The following MARS1 variants were observed in gnomAD, a reference collection of about 807,000 sequenced individuals.
MARS1 encodes methionine--tRNA ligase, cytoplasmic.
A neutral mutation model predicts 119.5 loss-of-function variants in MARS1; 80 were observed. That is an observed-to-expected ratio of 0.67 (90% confidence interval 0.56 to 0.81). The LOEUF (loss-of-function observed/expected upper bound fraction) is 0.81, where lower values mean the gene tolerates loss of function less well. Among genes scored for constraint, MARS1 ranks in the 30% least tolerant of loss-of-function variants. The pLI is 0.00. For missense variants in MARS1, 945 were observed against 1,116.5 expected, an observed-to-expected ratio of 0.85 and a Z score of 2.19; for synonymous variants, 418 against 433.4, an observed-to-expected ratio of 0.96 and a Z score of 0.44.
chr12:57,511,126 C>G (rs891890080), intron 11 of MARS1, among the ~76,000 whole-genome samples: 1 of 132,904 alleles, frequency 7.5e-6, no homozygotes, highest in Non-Finnish European at 1.6e-5. Flanking sequence ...GTGAAGTGTT[C>G]CATATTTTTA....
chr12:57,503,022 T>C (rs1458423260), intron 10 of MARS1, among the ~76,000 whole-genome samples: 1 of 151,936 alleles, frequency 6.6e-6, no homozygotes. Flanking sequence ...TGAGACTTCG[T>C]CTCAAAAACA....
chr12:57,497,230 C>G (rs1464862121), intron 7 of MARS1, among the ~76,000 whole-genome samples: 3 of 152,084 alleles, frequency 2.0e-5, no homozygotes, highest in Admixed American at 2.0e-4. Context: ...TTACGATATT[C>G]AGTTATGGAG....
At chr12:57,498,707 C>T (rs925089697) in intron 9 of MARS1, 84 bp downstream of exon 9, 31 of 1,344,480 alleles carry the variant, frequency 2.3e-5, no homozygotes, top group African/African-American at 1.2e-4. Flanking sequence ...AGAAGGAACC[C>T]GGGTGGCTGT....
chr12:57,489,923 T>C lies in MARS1; in HGVS notation c.442T>C (p.Leu148=), dbSNP rs773891954. ...GETESLADIV[L]WGALYPLLQD... is the part of the protein sequence containing the mutation. ...GACAGAATCTCTAGCCGACATTGTT[T>C]TGTGGGGAGCCCTATACCCATTACT... Residue 148 remains leucine, a synonymous_variant, in exon 5 of 21, where the codon TTG becomes CTG. Transcript: ENST00000262027. 2 of 1,614,166 alleles carry C rather than the reference T, an allele frequency of 1.2e-6. No individual in the cohort carries two copies. The highest frequency in any genetic ancestry group is 2.2e-5 in the East Asian group (1 of 44,886).
At position 57,512,854 on chromosome 12, in the gene MARS1, C is replaced by T; in HGVS notation, c.1857C>T (p.Phe619=). 1.2e-6 allele frequency: 2 copies of T among 1,614,252 alleles called. No individual in the cohort carries two copies. Among genetic ancestry groups the T allele is most frequent in the South Asian group, 2.2e-5 (2 of 91,086 alleles). ...GGATCCCTGCTGACATCTGGCGCTT[C>T]TATCTGCTGTACATTCGGCCTGAGG... The part of the protein sequence containing the change: ...DTGIPADIWR[F]YLLYIRPEGQ... The change falls in exon 15 of 21, where the codon TTC becomes TTT. Residue 619 remains phenylalanine, a synonymous_variant. Transcript: ENST00000262027.
chr12:57,492,842 C>A (rs1312488628), intron 7 of MARS1, among the ~76,000 whole-genome samples: 1 of 152,032 alleles, frequency 6.6e-6, no homozygotes, highest in Non-Finnish European at 1.5e-5. Context: ...GAGAGTTTGC[C>A]TCTTAAGGAA....
chr12:57,507,895 C>G (rs1198022860), intron 11 of MARS1, among the ~76,000 whole-genome samples: 24 of 151,642 alleles, frequency 1.6e-4, no homozygotes, highest in African/African-American at 5.8e-4. Context: ...GGGCTCCTCA[C>G]TTCTCAGACG....
intron 11 of MARS1, among the ~76,000 whole-genome samples, chr12:57,511,224 T>C (rs1877498915): frequency 6.6e-6 from 1 of 152,136 alleles, no homozygotes; most frequent in Non-Finnish European, 1.5e-5. Flanking sequence ...CAAGTGATCC[T>C]CCTGCGTCAG....
chr12:57,514,683 T>A, intron 15 of MARS1, 37 bp from the exon 16 acceptor site: 1 of 1,613,232 alleles, frequency 6.2e-7, no homozygotes, highest in Non-Finnish European at 8.5e-7. Context: ...TAACTTCCCC[T>A]CTTTTTTCCA....
chr12:57,505,856 G>A (rs1004459150), intron 11 of MARS1, among the ~76,000 whole-genome samples: 8 of 152,026 alleles, frequency 5.3e-5, no homozygotes, highest in Middle Eastern at 3.2e-3. Flanking sequence ...ACTCACTCCT[G>A]TAATTCCATT....
intron 7 of MARS1, among the ~76,000 whole-genome samples, chr12:57,492,425 C>G (rs964926982): frequency 3.7e-4 from 57 of 152,008 alleles, no homozygotes; most frequent in Admixed American, 3.1e-3. Context: ...AATCCTAGCA[C>G]TTTGGGAGGC....
rs748378192 is a variant in MARS1 at position 57,514,823 on chromosome 12, C to T, written c.2071C>T (p.His691Tyr). The T allele has an allele frequency of 3.7e-6, 6 of 1,614,030 alleles. No individual in the cohort carries two copies. In the Admixed American group the frequency reaches 1.0e-4, roughly 27 times the overall value. ...GGCCCATGTCACCCTGGAGCTCCAGCACTATCACCAGCTACTTGAGAAGGT... is the reference window on the plus strand; with the variant it reads ...GGCCCATGTCACCCTGGAGCTCCAGTACTATCACCAGCTACTTGAGAAGGT... ...LLAHVTLELQ[H>Y]YHQLLEKVRI... is the part of the protein sequence containing the mutation. The change falls in exon 16 of 21, where the codon CAC becomes TAC. Residue 691 changes from histidine (H) to tyrosine (Y), a missense_variant. By Grantham distance (83) the His-to-Tyr change is moderately conservative. Transcript: ENST00000262027.
chr12:57,496,169 A>C (rs566525576), intron 7 of MARS1, among the ~76,000 whole-genome samples: 24 of 145,498 alleles, frequency 1.6e-4, no homozygotes, highest in Non-Finnish European at 3.5e-4. Flanking sequence ...CGGCAATATA[A>C]GCACTTTCTT....
Position 57,515,341 on chromosome 12 carries a change from G to C in MARS1, c.2391+5G>C, listed in dbSNP as rs1282159702. ...GCAGGACACCAGATTGGCACAGTAGGTGGAAGAGCCAGCCTCTCTTAAAAT... is the reference window on the plus strand; with the variant it reads ...GCAGGACACCAGATTGGCACAGTAGCTGGAAGAGCCAGCCTCTCTTAAAAT... On this transcript the variant is annotated splice_donor_5th_base_variant and intron_variant, in intron 18 of 20. Transcript: ENST00000262027. 1 of 1,611,226 alleles carries C rather than the reference G, an allele frequency of 6.2e-7. No homozygotes were observed. The highest frequency in any genetic ancestry group is 8.5e-7 in the Non-Finnish European group (1 of 1,179,656).
At chr12:57,502,657 G>A (rs981513838) in intron 10 of MARS1, among the ~76,000 whole-genome samples, 45 of 138,156 alleles carry the variant, frequency 3.3e-4, no homozygotes, top group Non-Finnish European at 5.3e-4. Flanking sequence ...AGTGAGCTGA[G>A]ATTACGCTAC....
chr12:57,511,600 A>G (rs545289939), intron 11 of MARS1, 98 bp from the exon 12 acceptor site: 14 of 1,336,038 alleles, frequency 1.0e-5, no homozygotes, highest in Non-Finnish European at 1.5e-5. Flanking sequence ...AAAGTTATAT[A>G]TTGCCAAATT....
intron 11 of MARS1, among the ~76,000 whole-genome samples, chr12:57,507,238 C>T (rs1877226972): frequency 6.6e-6 from 1 of 151,336 alleles, no homozygotes; most frequent in Admixed American, 6.6e-5. Context: ...TGAAAAGTCT[C>T]CCATGTCTAC....
chr12:57,506,900 G>T (rs11831009), intron 11 of MARS1, among the ~76,000 whole-genome samples: 10,020 of 149,158 alleles, frequency 0.067, 580 homozygotes, highest in African/African-American at 0.15. Context: ...TTCTCGCAGA[G>T]GGGGATTTGG....
Position 57,515,134 on chromosome 12 carries a change from G to A in MARS1, c.2205-16G>A. The A allele has an allele frequency of 3.7e-6, 6 of 1,614,168 alleles. No individual in the cohort carries two copies. The highest frequency in any genetic ancestry group is 5.1e-6 in the Non-Finnish European group (6 of 1,180,018). ...TATCCTCCTGGAGGTCTTGACTAAT[G>A]TCTCCTCTTCCTCAGGCAACGGGCA... is the stretch of plus-strand genomic sequence containing the variant. On this transcript the variant is annotated splice_polypyrimidine_tract_variant and intron_variant, in intron 17 of 20. Coordinates refer to ENST00000262027, the MANE Select transcript of MARS1 (RefSeq NM_004990.4).
Sources: gnomAD v4.1 joint callset for allele counts (sites outside exome capture counted in the v4.1 genomes callset) on GRCh38, gnomAD v4.1.1 for gene constraint, MANE v1.5 for transcripts, NCBI Gene and HGNC (gene_info 2026-07-23, HGNC 2026-07-21) for gene names.